The following UBE2E2 variants were observed in gnomAD, a reference collection of about 807,000 sequenced individuals.
UBE2E2 encodes ubiquitin-conjugating enzyme E2 E2.
Under a neutral mutation model 24.7 loss-of-function variants are expected in UBE2E2, and 6 were observed. That is an observed-to-expected ratio of 0.24 (90% confidence interval 0.13 to 0.48). The LOEUF is 0.48. Among genes scored for constraint, UBE2E2 ranks in the 20% least tolerant of loss-of-function variants. The pLI, the probability that UBE2E2 is intolerant of heterozygous loss-of-function variation, is 0.99. For synonymous variants in UBE2E2, 104 were observed against 83.6 expected (o/e 1.24, Z -1.33); for missense variants, 169 against 245.0 (o/e 0.69, Z 2.07).
chr3:23,214,018 A>C (rs1696400340), intron 2 of UBE2E2, among the ~76,000 whole-genome samples: 1 of 152,196 alleles, frequency 6.6e-6, no homozygotes, highest in Admixed American at 6.5e-5. Flanking sequence ...GCTGTCATTC[A>C]AAACAGCAGG....
intron 3 of UBE2E2, among the ~76,000 whole-genome samples, chr3:23,366,417 C>T (rs1471691672): frequency 2.6e-5 from 4 of 152,156 alleles, no homozygotes; most frequent in Admixed American, 2.0e-4. Flanking sequence ...AAATACCCAT[C>T]AGTGGTAGAC....
intron 5 of UBE2E2, among the ~76,000 whole-genome samples, chr3:23,547,407 GTTC>G (rs1695549011): frequency 6.6e-6 from 1 of 152,180 alleles, no homozygotes; most frequent in African/African-American, 2.4e-5. Flanking sequence ...ACTTCTCTTA[GTTC>G]TTCACCAGTT....
intron 3 of UBE2E2, among the ~76,000 whole-genome samples, chr3:23,392,961 A>G (rs1029235142): frequency 5.1e-4 from 77 of 152,216 alleles, no homozygotes; most frequent in African/African-American, 1.7e-3. Context: ...ATAGGCCACA[A>G]GTGCTAAGTG....
At chr3:23,305,213 A>G (rs1454778553) in intron 3 of UBE2E2, among the ~76,000 whole-genome samples, 1 of 152,216 alleles carries the variant, frequency 6.6e-6, no homozygotes. Flanking sequence ...CTGAATAAGC[A>G]TAGTTTGTCC....
chr3:23,562,965 T>C (rs1695971404), intron 5 of UBE2E2, among the ~76,000 whole-genome samples: 1 of 152,206 alleles, frequency 6.6e-6, no homozygotes, highest in Non-Finnish European at 1.5e-5. Context: ...TCTCTTTTCA[T>C]CTTTATTAGT....
intron 3 of UBE2E2, among the ~76,000 whole-genome samples, chr3:23,279,043 C>T (rs938883150): frequency 6.6e-6 from 1 of 151,902 alleles, no homozygotes; most frequent in Non-Finnish European, 1.5e-5. Context: ...CTTGAGTCAT[C>T]GTGTAATGTT....
intron 5 of UBE2E2, among the ~76,000 whole-genome samples, chr3:23,562,638 G>A (rs1350999840): frequency 6.6e-6 from 1 of 152,228 alleles, no homozygotes; most frequent in Admixed American, 6.5e-5. Flanking sequence ...AGTTTCAGAA[G>A]GAATGGTATC....
intron 3 of UBE2E2, among the ~76,000 whole-genome samples, chr3:23,372,111 C>A (rs113347553): frequency 2.0e-5 from 3 of 151,110 alleles, no homozygotes; most frequent in Non-Finnish European, 1.5e-5. Flanking sequence ...AGTGAGACTC[C>A]GCCTCAAAAA....
chr3:23,352,606 C>T (rs1474586251), intron 3 of UBE2E2, among the ~76,000 whole-genome samples: 3 of 152,076 alleles, frequency 2.0e-5, no homozygotes, highest in Non-Finnish European at 4.4e-5. Flanking sequence ...CTACAAACAC[C>T]TCTACGCAAA....
At chr3:23,237,463 A>G (rs1482124843) in intron 3 of UBE2E2, among the ~76,000 whole-genome samples, 1 of 152,180 alleles carries the variant, frequency 6.6e-6, no homozygotes, top group Non-Finnish European at 1.5e-5. Flanking sequence ...GTATCTCTTA[A>G]TAAAGATTTT....
chr3:23,581,781 A>G (rs77662845), intron 5 of UBE2E2, among the ~76,000 whole-genome samples: 3,443 of 152,314 alleles, frequency 0.023, 41 homozygotes, highest in Non-Finnish European at 0.035. Flanking sequence ...CATACCACCT[A>G]CCAACCAAGA....
chr3:23,494,779 C>T (rs1430484342), intron 3 of UBE2E2, among the ~76,000 whole-genome samples: 1 of 151,752 alleles, frequency 6.6e-6, no homozygotes, highest in East Asian at 1.9e-4. Context: ...GGCTGGAGTG[C>T]AGTGGCGCAG....
intron 4 of UBE2E2, among the ~76,000 whole-genome samples, chr3:23,509,914 T>G (rs1259722073): frequency 6.6e-6 from 1 of 152,148 alleles, no homozygotes; most frequent in South Asian, 2.1e-4. Context: ...AACTCATCAT[T>G]TTTTATGGCC....
At chr3:23,520,655 T>G (rs1458565396) in intron 4 of UBE2E2, among the ~76,000 whole-genome samples, 1 of 152,234 alleles carries the variant, frequency 6.6e-6, no homozygotes, top group Non-Finnish European at 1.5e-5. Context: ...TATATTTTTA[T>G]TAGTTTTAGA....
At chr3:23,238,389 A>G (rs1697174120) in intron 3 of UBE2E2, among the ~76,000 whole-genome samples, 1 of 152,186 alleles carries the variant, frequency 6.6e-6, no homozygotes, top group South Asian at 2.1e-4. Flanking sequence ...GAAAGCTTCT[A>G]GAACACTAAA....
intron 3 of UBE2E2, among the ~76,000 whole-genome samples, chr3:23,308,611 T>A (rs967446897): frequency 7.2e-5 from 11 of 152,198 alleles, no homozygotes; most frequent in Non-Finnish European, 1.2e-4. Context: ...TTGACATCTG[T>A]TAGTCTCAAA....
chr3:23,236,897 T>C (rs1418995801), intron 3 of UBE2E2, among the ~76,000 whole-genome samples: 1 of 152,172 alleles, frequency 6.6e-6, no homozygotes, highest in East Asian at 1.9e-4. Flanking sequence ...TGCACCAGCA[T>C]GGTCCTTTGT....
chr3:23,312,809 C>G (rs1056565056), intron 3 of UBE2E2, among the ~76,000 whole-genome samples: 3 of 152,132 alleles, frequency 2.0e-5, no homozygotes, highest in Non-Finnish European at 4.4e-5. Context: ...TCATTTGTTT[C>G]AAGAAAGTTT....
At chr3:23,260,061 G>C (rs1224882169) in intron 3 of UBE2E2, among the ~76,000 whole-genome samples, 1 of 152,088 alleles carries the variant, frequency 6.6e-6, no homozygotes, top group Non-Finnish European at 1.5e-5. Flanking sequence ...TTATCTTTTT[G>C]ATTCATCACA....
Sources: allele counts gnomAD v4.1 joint callset (sites outside exome capture counted in the v4.1 genomes callset), GRCh38; gene constraint gnomAD v4.1.1; transcripts MANE v1.5; gene names NCBI Gene and HGNC (gene_info 2026-07-23, HGNC 2026-07-21).